Variants in KRT10 observed in about 807,000 individuals in gnomAD.
KRT10 encodes the protein keratin, type I cytoskeletal 10.
KRT10 carries 40 observed loss-of-function variants against 59.2 expected under a neutral mutation model. The observed-to-expected ratio is 0.68, with a 90% CI of 0.52 to 0.88. KRT10 has a LOEUF of 0.88. Among genes scored for constraint, KRT10 ranks in the 40% least tolerant of loss-of-function variants. The pLI is 0.00. For missense variants in KRT10, 719 were observed against 749.1 expected, an observed-to-expected ratio of 0.96 and a Z score of 0.47; for synonymous variants, 336 against 310.7, an observed-to-expected ratio of 1.08 and a Z score of -0.86.
In KRT10 at chr17:40,819,625, C is replaced by T; in HGVS notation, c.1265G>A (p.Arg422Gln). 3 of 1,614,158 alleles carry T rather than the reference C, an allele frequency of 1.9e-6. No individual in the cohort carries two copies. Among genetic ancestry groups the T allele is most frequent in the Non-Finnish European group, 2.5e-6 (3 of 1,180,002 alleles). The change falls in exon 6 of 8, where the codon CGA becomes CAA. Residue 422 changes from arginine (R) to glutamine (Q), a missense_variant. Transcript: ENST00000269576. ...SALEEQLQQI[R>Q]AETECQNTEY... Reference sequence around the variant, plus strand: ...AGTATTCTGGCACTCGGTTTCAGCTCGAATCTGTTGCAACTGTTCTTCCAG... The same window carrying T: ...AGTATTCTGGCACTCGGTTTCAGCTTGAATCTGTTGCAACTGTTCTTCCAG...
At chr17:40,820,797 T>A (rs1905339297) in intron 2 of KRT10, 130 bp from the exon 3 acceptor site, 3 of 1,077,810 alleles carry the variant, frequency 2.8e-6, no homozygotes, top group Admixed American at 4.1e-5. Context: ...ACAGTTCTCT[T>A]AGAAGTAATA....
intron 1 of KRT10, 72 bp from the exon 2 acceptor site, chr17:40,821,189 C>G: frequency 2.8e-6 from 3 of 1,071,660 alleles, no homozygotes; most frequent in Non-Finnish European, 4.3e-6. Flanking sequence ...CATAGATGCA[C>G]TCTGCACTTT....
rs1905478989 is a variant in KRT10 at position 40,822,464 on chromosome 17, C to G, written c.122G>C (p.Gly41Ala). 9 of 1,613,978 alleles carry G rather than the reference C, an allele frequency of 5.6e-6. No individual in the cohort carries two copies. Among genetic ancestry groups the G allele is most frequent in the African/African-American group, 4.0e-5 (3 of 75,002 alleles). ...TGAGCTAAATCCTCCACCAAGGGAG[C>G]CTTTGCTGCTAGAAATTCTTAGGGA... ...VSSLRISSSK[G>A]SLGGGFSSGG... Residue 41 changes from glycine (G) to alanine (A), a missense_variant, in exon 1 of 8, where the codon GGC becomes GCC. Physicochemically the swap from Gly to Ala is moderately conservative, Grantham distance 60 (BLOSUM62 0). Transcript: ENST00000269576.
chr17:40,820,698 TAAC>T, intron 2 of KRT10, 31 bp from the exon 3 acceptor site: 1 of 1,612,238 alleles, frequency 6.2e-7, no homozygotes, highest in Non-Finnish European at 8.5e-7. Context: ...ATACTGGTTA[TAAC>T]TTATATAGGG....
intron 7 of KRT10, 104 bp from the exon 8 acceptor site, chr17:40,818,586 A>G (rs2143121856): frequency 1.6e-6 from 2 of 1,249,394 alleles, no homozygotes; most frequent in Non-Finnish European, 2.3e-6. Context: ...TACATTGTTA[A>G]GCCCAAAAAA....
In KRT10 at chr17:40,820,585, T is replaced by C; in HGVS notation, c.793A>G (p.Thr265Ala). The C allele has an allele frequency of 6.2e-7, 1 of 1,614,228 alleles. No homozygotes were observed. Among genetic ancestry groups the C allele is most frequent in the South Asian group, 1.1e-5 (1 of 91,088 alleles). The change falls in exon 3 of 8, where the codon ACC becomes GCC. Residue 265 changes from threonine to alanine, a missense_variant. Transcript: ENST00000269576. ...LRRVLDELTLTKADLEMQIES... is the reference protein window; with the variant it reads ...LRRVLDELTLAKADLEMQIES... ...ATTTGCATCTCCAGGTCAGCCTTGG[T>C]CAGGGTCAGCTCATCCAGCACCCTA...
intron 7 of KRT10, 130 bp downstream of exon 7, chr17:40,818,656 TG>T (rs1200131327): frequency 6.8e-7 from 1 of 1,466,992 alleles, no homozygotes; most frequent in Non-Finnish European, 9.3e-7. Context: ...AAGAGTAGTT[TG>T]TGAACAAATG....
intron 2 of KRT10, 63 bp downstream of exon 2, chr17:40,820,972 T>G: frequency 7.8e-7 from 1 of 1,281,814 alleles, no homozygotes; most frequent in Admixed American, 1.7e-5. Flanking sequence ...GCATCCCAAG[T>G]CATTGTTAAA....
In KRT10 at chr17:40,818,434, G is replaced by T; in HGVS notation, c.*42C>A. 1.9e-6 allele frequency: 3 copies of T among 1,613,238 alleles called. No individual in the cohort carries two copies. The highest frequency in any genetic ancestry group is 1.7e-6 in the Non-Finnish European group (2 of 1,179,514). ...CATAGATGAAAGAACTCTACCGTCG[G>T]GCGCCACCTCTTCAATAATTGTCTT... On this transcript the variant is annotated 3_prime_UTR_variant, in exon 8 of 8. Coordinates refer to ENST00000269576, the MANE Select transcript of KRT10 (RefSeq NM_000421.5).
At chr17:40,819,371 T>A in intron 6 of KRT10, 146 bp downstream of exon 6, 2 of 1,141,548 alleles carry the variant, frequency 1.8e-6, no homozygotes, top group Non-Finnish European at 2.5e-6. Flanking sequence ...GAAAGTGAGA[T>A]TGCGGTTGCG....
chr17:40,822,329 C>T lies in KRT10; in HGVS notation c.257G>A (p.Arg86His), dbSNP rs117610737. Reference protein sequence around the residue: ...GLGGFGGGSFRGSYGSSSFGG... With the variant: ...GLGGFGGGSFHGSYGSSSFGG... ...AAAGCTGCTACTTCCATAGCTTCCACGAAAGCTACCTCCACCAAAACCTCC... is the reference window on the plus strand; with the variant it reads ...AAAGCTGCTACTTCCATAGCTTCCATGAAAGCTACCTCCACCAAAACCTCC... Residue 86 changes from arginine to histidine, a missense_variant, in exon 1 of 8, where the codon CGT (arginine) becomes CAT (histidine). Arg to His is a conservative substitution (Grantham distance 29). This residue lies in a region of KRT10 where 176 missense variants were observed against 175.7 expected (regional missense o/e 1.00). Coordinates refer to ENST00000269576, the MANE Select transcript of KRT10 (RefSeq NM_000421.5). The T allele has an allele frequency of 2.4e-3, 3,839 of 1,596,112 alleles. 10 individuals carry two copies. Among genetic ancestry groups the T allele is most frequent in the Non-Finnish European group, 3.0e-3 (3,532 of 1,170,316 alleles).
At position 40,821,023 on chromosome 17, in the gene KRT10, C is replaced by G. The variant is rs375696416; in HGVS notation, c.710+12G>C. 1 of 1,595,518 alleles carries G rather than the reference C, an allele frequency of 6.3e-7. No individual in the cohort carries two copies. The highest frequency in any genetic ancestry group is 8.6e-7 in the Non-Finnish European group (1 of 1,163,264). ...CGTTGTGATAGTATTATACAACGAT[C>G]ACTTAACTTACTTCAGCCTGAAGTC... On this transcript the variant is annotated intron_variant, in intron 2 of 7. Coordinates refer to ENST00000269576, the MANE Select transcript of KRT10 (RefSeq NM_000421.5).
rs767721911 is a variant in KRT10, at chr17:40,819,024, G to C, written c.1511C>G (p.Ser504Cys). 2.7e-5 allele frequency: 36 copies of C among 1,338,450 alleles called. No homozygotes were observed. Among genetic ancestry groups the C allele is most frequent in the Non-Finnish European group, 3.4e-5 (35 of 1,036,444 alleles). The allele number at this position is 1,338,450 out of a possible 1,614,324, so 82.9% of individuals were successfully genotyped here. A position where few individuals can be genotyped will look rare whatever the true frequency, so the allele number is the denominator to read the frequency against. Residue 504 changes from serine to cysteine, a missense_variant, in exon 7 of 8, where the codon TCC becomes TGC. By Grantham distance (112) the Ser-to-Cys change is moderately radical. This residue lies in a region of KRT10 where 315 missense variants were observed against 270.6 expected (regional missense o/e 1.16). Coordinates refer to ENST00000269576, the MANE Select transcript of KRT10 (RefSeq NM_000421.5). ...GCCGCCGCCGGAGCTTCCGCCGCCG[G>C]AGCTTCCGCCTCCGTAGCCGCCGCC... Reference protein sequence around the residue: ...SSGGGYGGGSSGGGSSGGGYG... With the variant: ...SSGGGYGGGSCGGGSSGGGYG...
In KRT10 at chr17:40,820,270, T is replaced by C. The variant is rs776041016; in HGVS notation, c.1021A>G (p.Asn341Asp). 6.8e-6 allele frequency: 11 copies of C among 1,614,096 alleles called. No individual in the cohort carries two copies. Among genetic ancestry groups the C allele is most frequent in the Non-Finnish European group, 8.5e-6 (10 of 1,180,034 alleles). Residue 341 changes from asparagine to aspartate, a missense_variant, in exon 4 of 8, where the codon AAT (asparagine) becomes GAT (aspartate). This residue lies in a region of KRT10 where 221 missense variants were observed against 277.8 expected (regional missense o/e 0.80). Coordinates refer to ENST00000269576, the MANE Select transcript of KRT10 (RefSeq NM_000421.5). ...QNRKDAEAWFNEKSKELTTEI... is the reference protein window; with the variant it reads ...QNRKDAEAWFDEKSKELTTEI... The stretch of plus-strand genomic sequence containing the variant: ...AAGGAAGATTACTTTACCTTTTCAT[T>C]GAACCAGGCTTCAGCATCTTTGCGG...
chr17:40,822,564 T>C lies in KRT10; in HGVS notation c.22A>G (p.Ser8Gly). Residue 8 changes from serine (S) to glycine (G), a missense_variant, in exon 1 of 8, where the codon AGC (serine) becomes GGC (glycine). Physicochemically the swap from Ser to Gly is moderately conservative, Grantham distance 56 (BLOSUM62 0). This residue lies in a region of KRT10 where 176 missense variants were observed against 175.7 expected (regional missense o/e 1.00). Transcript: ENST00000269576. Reference protein sequence around the residue: MSVRYSSSKHYSSSRSGG... With the variant: MSVRYSSGKHYSSSRSGG... ...CTGCGGGAGGAAGAGTAGTGCTTGC[T>C]TGAGCTGTATCGAACAGACATGGTG... 6.2e-7 allele frequency: 1 copy of C among 1,603,108 alleles called. No homozygotes were observed. Among genetic ancestry groups the C allele is most frequent in the Non-Finnish European group, 8.5e-7 (1 of 1,179,970 alleles).
Position 40,821,957 on chromosome 17 carries a change from A to G in KRT10, c.627+2T>C. The stretch of plus-strand genomic sequence containing the variant: ...AAAGCTGGATTTAAAAATACCTCTT[A>G]CCTGATTTTTAAGGTCATCGATGGT... On this transcript the variant is annotated splice_donor_variant, in intron 1 of 7. Coordinates refer to ENST00000269576, the MANE Select transcript of KRT10 (RefSeq NM_000421.5). LOFTEE classifies it high-confidence loss of function. 6.2e-7 allele frequency: 1 copy of G among 1,613,822 alleles called. No individual in the cohort carries two copies. The highest frequency in any genetic ancestry group is 1.1e-5 in the South Asian group (1 of 91,082).
Position 40,822,048 on chromosome 17 carries a change from C to G in KRT10, c.538G>C (p.Glu180Gln). The change falls in exon 1 of 8, where the codon GAG becomes CAG. Residue 180 changes from glutamate (E) to glutamine (Q), a missense_variant. By Grantham distance (29) the Glu-to-Gln change is conservative (BLOSUM62 2). Coordinates refer to ENST00000269576, the MANE Select transcript of KRT10 (RefSeq NM_000421.5). ...SNYELEGKIKEWYEKHGNSHQ... is the reference protein window; with the variant it reads ...SNYELEGKIKQWYEKHGNSHQ... ...GAGTTGCCATGCTTTTCATACCACTCCTTGATTTTGCCTTCCAGCTCATAG... is the reference window on the plus strand; with the variant it reads ...GAGTTGCCATGCTTTTCATACCACTGCTTGATTTTGCCTTCCAGCTCATAG... The G allele has an allele frequency of 6.2e-7, 1 of 1,614,174 alleles. No individual in the cohort carries two copies. The highest frequency in any genetic ancestry group is 8.5e-7 in the Non-Finnish European group (1 of 1,180,030).
At position 40,818,831 on chromosome 17, in the gene KRT10, G is replaced by C. The variant is rs779021500; in HGVS notation, c.1704C>G (p.Ser568=). 1.3e-6 allele frequency: 2 copies of C among 1,597,066 alleles called. No individual in the cohort carries two copies. The highest frequency in any genetic ancestry group is 1.7e-6 in the Non-Finnish European group (2 of 1,179,038). The part of the protein sequence containing the change: ...GGGSSSGGHK[S]SSSGSVGESS... ...ACTCGCCCACGGACCCGGAAGAGGA[G>C]GACTTGTGGCCTCCGCTGGAGCTGC... Residue 568 remains serine (S), a synonymous_variant, in exon 7 of 8, where the codon TCC becomes TCG. Coordinates refer to ENST00000269576, the MANE Select transcript of KRT10 (RefSeq NM_000421.5).
Position 40,818,895 on chromosome 17 carries a change from G to T in KRT10, c.1640C>A (p.Ser547Tyr), listed in dbSNP as rs752817112. ...GGGGGYGGGS[S>Y]GGGSSSGGGY... ...GCCGCCGGAGCTGCTGCCGCCGCCG[G>T]AGCTGCCGCCCCCGTAGCCGCCGCC... Residue 547 changes from serine to tyrosine, a missense_variant, in exon 7 of 8, where the codon TCC becomes TAC. Ser to Tyr is a moderately radical substitution (Grantham distance 144). This residue lies in a region of KRT10 where 315 missense variants were observed against 270.6 expected (regional missense o/e 1.16). Coordinates refer to ENST00000269576, the MANE Select transcript of KRT10 (RefSeq NM_000421.5). 0.013 allele frequency: 16,192 copies of T among 1,258,874 alleles called. 39 individuals are homozygous for T. The highest frequency in any genetic ancestry group is 0.024 in the African/African-American group (875 of 36,436). The allele number at this position is 1,258,874 out of a possible 1,614,324, so 78.0% of individuals were successfully genotyped here.
Sources: allele counts gnomAD v4.1 joint callset, GRCh38; gene constraint gnomAD v4.1.1; regional missense constraint gnomAD v4.1.1; transcripts MANE v1.5; gene names NCBI Gene and HGNC (gene_info 2026-07-23, HGNC 2026-07-21).